The following AHI1 variants were observed in gnomAD, a reference collection of about 807,000 sequenced individuals.
AHI1 encodes the protein jouberin.
Under a neutral mutation model 149.3 loss-of-function variants are expected in AHI1, and 123 were observed. The ratio of observed to expected loss-of-function variants is 0.82; its 90% CI spans 0.71 to 0.96. The LOEUF (loss-of-function observed/expected upper bound fraction) is 0.96, where lower values mean the gene tolerates loss of function less well. Among genes scored for constraint, AHI1 ranks in the 40% least tolerant of loss-of-function variants. AHI1 has a pLI of 0.00. For synonymous variants in AHI1, 475 were observed against 459.8 expected (o/e 1.03, Z -0.42); for missense variants, 1,439 against 1,422.7 (o/e 1.01, Z -0.18).
intron 22 of AHI1, among the ~76,000 whole-genome samples, chr6:135,400,281 TG>T (rs1779841356): frequency 6.6e-6 from 1 of 152,190 alleles, no homozygotes; most frequent in Non-Finnish European, 1.5e-5. Flanking sequence ...ATATTTTCTC[TG>T]GATTCTCTAT....
Position 135,431,388 on chromosome 6 carries a change from A to G in AHI1, c.2267-74T>C, listed in dbSNP as rs190417040. Reference sequence around the variant, plus strand: ...GAAACAAATAATAGGAAATCGGGGGAAACTATACCCCAGTAAAACAGTCAA... The same window carrying G: ...GAAACAAATAATAGGAAATCGGGGGGAACTATACCCCAGTAAAACAGTCAA... On this transcript the variant is annotated intron_variant, in intron 16 of 28. Transcript: ENST00000265602. 1.5e-4 allele frequency: 131 copies of G among 876,748 alleles called. 1 individual carries two copies. In the African/African-American group the frequency reaches 1.9e-3, roughly 13 times the overall value. The allele number at this position is 876,748 out of a possible 1,614,324, so 54.3% of individuals were successfully genotyped here.
At chr6:135,352,098 G>A (rs1792203052) in intron 24 of AHI1, among the ~76,000 whole-genome samples, 1 of 152,128 alleles carries the variant, frequency 6.6e-6, no homozygotes, top group African/African-American at 2.4e-5. Flanking sequence ...CACCACAAAT[G>A]TAGATTTCTG....
chr6:135,404,911 T>A (rs1476423653), intron 22 of AHI1, 40 bp downstream of exon 22: 9 of 1,585,846 alleles, frequency 5.7e-6, no homozygotes, highest in Admixed American at 1.7e-5. Context: ...AGCATCACTA[T>A]ACCTTTGAAG....
intron 21 of AHI1, among the ~76,000 whole-genome samples, chr6:135,405,923 C>T (rs1166410915): frequency 6.7e-6 from 1 of 150,112 alleles, no homozygotes; most frequent in African/African-American, 2.4e-5. Flanking sequence ...ATACTCAAGT[C>T]CAGTCCAATT....
chr6:135,372,529 A>G (rs1273666737), intron 23 of AHI1, among the ~76,000 whole-genome samples: 3 of 148,590 alleles, frequency 2.0e-5, no homozygotes, highest in Non-Finnish European at 3.0e-5. Context: ...AAAAAAAAAA[A>G]AGAAAAAAAA....
In AHI1 at chr6:135,338,844, C is replaced by T. The variant is rs12204713; in HGVS notation, c.3166-15520G>A. On this transcript the variant is annotated intron_variant, in intron 24 of 28. Transcript: ENST00000265602. ...AGGGCAGAATGGGTCTGGAGCACCT[C>T]TAAAACCCAATCGCAAAGAAATGTC... is the stretch of plus-strand genomic sequence containing the variant. Among the ~76,000 whole-genome samples, 140 of 152,202 alleles carry T rather than the reference C, an allele frequency of 9.2e-4. 2 individuals carry two copies. Among genetic ancestry groups the T allele is most frequent in the African/African-American group, 3.0e-3 (124 of 41,556 alleles).
rs1323790066 is a variant in AHI1, at chr6:135,333,461, G to C, written c.3166-10137C>G. Among the ~76,000 whole-genome samples, 5 of 151,976 alleles carry C rather than the reference G, an allele frequency of 3.3e-5. No homozygotes were observed. In the South Asian group the frequency reaches 1.0e-3, roughly 31 times the overall value. On this transcript the variant is annotated intron_variant, in intron 24 of 28. Transcript: ENST00000265602. ...CATTATATCCAGGGACAACCCTAAA[G>C]ATATTTATAAAAAAGAAATCAAGGT...
intron 5 of AHI1, among the ~76,000 whole-genome samples, chr6:135,486,696 C>A (rs1012980845): frequency 1.3e-5 from 2 of 152,102 alleles, no homozygotes; most frequent in Non-Finnish European, 1.5e-5. Context: ...CACACTTTTA[C>A]TTTTAAACTT....
At chr6:135,390,567 T>C (rs1778338184) in intron 23 of AHI1, among the ~76,000 whole-genome samples, 1 of 152,182 alleles carries the variant, frequency 6.6e-6, no homozygotes, top group Non-Finnish European at 1.5e-5. Context: ...GGGAGCCCAC[T>C]TCATCTCCCT....
At chr6:135,346,244 G>T (rs962396695) in intron 24 of AHI1, among the ~76,000 whole-genome samples, 4 of 152,070 alleles carry the variant, frequency 2.6e-5, no homozygotes, top group African/African-American at 9.7e-5. Context: ...GCCCAGGCTG[G>T]AGTGCAGTGG....
At chr6:135,292,765 G>A (rs1782525646) in intron 27 of AHI1, among the ~76,000 whole-genome samples, 1 of 152,148 alleles carries the variant, frequency 6.6e-6, no homozygotes, top group South Asian at 2.1e-4. Context: ...AAGAACTAAT[G>A]TATGAGCAAT....
intron 23 of AHI1, among the ~76,000 whole-genome samples, chr6:135,361,000 T>C (rs1269448343): frequency 6.6e-6 from 1 of 152,254 alleles, no homozygotes; most frequent in East Asian, 1.9e-4. Context: ...TGCTATCTTA[T>C]TGCATTTCTT....
intron 26 of AHI1, among the ~76,000 whole-genome samples, chr6:135,315,895 C>A (rs553053144): frequency 6.6e-6 from 1 of 152,296 alleles, no homozygotes; most frequent in African/African-American, 2.4e-5. Context: ...TCCCTATCCA[C>A]ACTTACCTGT....
At chr6:135,455,338 T>A (rs577150106) in intron 10 of AHI1, among the ~76,000 whole-genome samples, 62 of 152,314 alleles carry the variant, frequency 4.1e-4, no homozygotes, top group Middle Eastern at 3.4e-3. Flanking sequence ...TCTGTGTACA[T>A]TTATCTTTAT....
At chr6:135,391,770 T>C (rs1411012044) in intron 23 of AHI1, among the ~76,000 whole-genome samples, 1 of 152,176 alleles carries the variant, frequency 6.6e-6, no homozygotes, top group African/African-American at 2.4e-5. Flanking sequence ...AAAGACTTTA[T>C]TCAGGGCTAC....
At chr6:135,478,606 A>G (rs1793097151) in intron 5 of AHI1, among the ~76,000 whole-genome samples, 1 of 152,232 alleles carries the variant, frequency 6.6e-6, no homozygotes, top group Non-Finnish European at 1.5e-5. Flanking sequence ...TTTAAAAGGG[A>G]AGCAGAGCAC....
chr6:135,340,654 CATACATATATATATATATATATATATAT>C lies in AHI1; in HGVS notation c.3166-17358_3166-17331del, dbSNP rs1488866107. ...AAAAACCAGTACATATATATACATA[CATACATATATATATATATATATATATAT>C]ATATATATATATATGTTTTTGTTTG... On this transcript the variant is annotated intron_variant, in intron 24 of 28. Coordinates refer to ENST00000265602, the MANE Select transcript of AHI1 (RefSeq NM_001134831.2). Among the ~76,000 whole-genome samples, 48 of 58,592 alleles carry C rather than the reference CATACATATATATATATATATATATATAT, an allele frequency of 8.2e-4. 1 individual carries two copies. Among genetic ancestry groups the C allele is most frequent in the South Asian group, 3.9e-3 (5 of 1,274 alleles). 38.4% of individuals were successfully genotyped at this position (58,592 alleles called of 152,430 possible).
intron 22 of AHI1, among the ~76,000 whole-genome samples, chr6:135,404,138 T>C (rs372134070): frequency 6.6e-6 from 1 of 152,216 alleles, no homozygotes; most frequent in South Asian, 2.1e-4. Context: ...TATGTAATTA[T>C]ATTTGTTAAA....
chr6:135,402,820 T>TA (rs1780211803), intron 22 of AHI1, among the ~76,000 whole-genome samples: 2 of 152,308 alleles, frequency 1.3e-5, no homozygotes, highest in South Asian at 4.2e-4. Context: ...ATAATACACA[T>TA]AACACATAAA....
Sources: gnomAD v4.1 joint callset for allele counts (sites outside exome capture counted in the v4.1 genomes callset) on GRCh38, gnomAD v4.1.1 for gene constraint, MANE v1.5 for transcripts, NCBI Gene and HGNC (gene_info 2026-07-23, HGNC 2026-07-21) for gene names.